Variants in RBFOX1 observed in about 807,000 individuals in gnomAD.
RBFOX1 encodes the protein RNA binding fox-1 homolog 1, also known as RNA binding protein fox-1 homolog 1.
Under a neutral mutation model 57.7 loss-of-function variants are expected in RBFOX1, and 8 were observed. That is an observed-to-expected ratio of 0.14 (90% CI 0.08 to 0.25). The LOEUF (loss-of-function observed/expected upper bound fraction) is 0.25. Ranked by LOEUF, RBFOX1 falls within the 10% of genes least tolerant of loss-of-function variation. The pLI, the probability that RBFOX1 is intolerant of heterozygous loss-of-function variation, is 1.00. For missense variants in RBFOX1, 611 were observed against 548.5 expected (o/e 1.11, Z -1.14); for synonymous variants, 326 against 222.4 (o/e 1.47, Z -4.15).
chr16:6,663,315 A>G (rs1289703246), intron 3 of RBFOX1, among the ~76,000 whole-genome samples: 2 of 152,158 alleles, frequency 1.3e-5, no homozygotes, highest in Non-Finnish European at 2.9e-5. Flanking sequence ...CGTGAGGAAG[A>G]AGAAAGGAGT....
chr16:5,462,860 T>C lies in RBFOX1; in HGVS notation c.220-4356T>C, dbSNP rs181300065. ...AGGCCAGGGGCACTGCTAAAGGTCCTACAGGCATGGGACGAGCCCCACGAC... is the reference window on the plus strand; with the variant it reads ...AGGCCAGGGGCACTGCTAAAGGTCCCACAGGCATGGGACGAGCCCCACGAC... On this transcript the variant is annotated intron_variant, in intron 1 of 2. Coordinates refer to the RBFOX1 transcript ENST00000585867. Among the ~76,000 whole-genome samples the C allele has an allele frequency of 1.4e-3, 212 of 152,278 alleles. 2 individuals are homozygous for C. Among genetic ancestry groups the C allele is most frequent in the African/African-American group, 4.9e-3 (204 of 41,558 alleles).
intron 3 of RBFOX1, among the ~76,000 whole-genome samples, chr16:6,920,612 G>C (rs963479577): frequency 2.6e-5 from 4 of 152,154 alleles, no homozygotes; most frequent in African/African-American, 9.7e-5. Context: ...ATCAAGATGT[G>C]GAGATATTAG....
At chr16:6,597,085 G>C (rs1213118733) in intron 2 of RBFOX1, among the ~76,000 whole-genome samples, 1 of 152,120 alleles carries the variant, frequency 6.6e-6, no homozygotes, top group Admixed American at 6.5e-5. Flanking sequence ...ACTGCAGCTA[G>C]AATTGCTGTG....
At chr16:7,281,148 G>A (rs2095535867) in intron 4 of RBFOX1, among the ~76,000 whole-genome samples, 1 of 151,812 alleles carries the variant, frequency 6.6e-6, no homozygotes, top group African/African-American at 2.4e-5. Context: ...GATTACAGGT[G>A]TGTGCCACCA....
At chr16:7,669,742 G>T (rs966616190) in intron 13 of RBFOX1, among the ~76,000 whole-genome samples, 9 of 152,200 alleles carry the variant, frequency 5.9e-5, no homozygotes, top group African/African-American at 2.2e-4. Context: ...GGAATGAGAT[G>T]TGTCAGTAGC....
At chr16:6,731,159 G>C (rs1040340301) in intron 3 of RBFOX1, among the ~76,000 whole-genome samples, 36 of 152,270 alleles carry the variant, frequency 2.4e-4, no homozygotes, top group Non-Finnish European at 1.0e-4. Context: ...GCTGAGGACA[G>C]CTAGAATTAT....
chr16:5,254,845 C>G (rs899498120), intron 1 of RBFOX1, among the ~76,000 whole-genome samples: 4 of 152,164 alleles, frequency 2.6e-5, no homozygotes, highest in African/African-American at 9.7e-5. Context: ...CTGGAAATGT[C>G]TTTGAGCTGA....
intron 2 of RBFOX1, among the ~76,000 whole-genome samples, chr16:6,651,159 C>G (rs1283891503): frequency 6.6e-6 from 1 of 152,180 alleles, no homozygotes; most frequent in Non-Finnish European, 1.5e-5. Flanking sequence ...GCCTCAGTCT[C>G]CCAGAGTGCT....
chr16:5,748,737 A>T (rs536988431), intron 3 of RBFOX1, among the ~76,000 whole-genome samples: 2 of 152,180 alleles, frequency 1.3e-5, no homozygotes, highest in South Asian at 4.1e-4. Flanking sequence ...ATCTTCCTCC[A>T]TCCCTTTATT....
intron 4 of RBFOX1, among the ~76,000 whole-genome samples, chr16:6,002,601 G>A (rs552192223): frequency 1.8e-4 from 27 of 152,282 alleles, no homozygotes; most frequent in Admixed American, 1.4e-3. Flanking sequence ...ATTGAGAGAA[G>A]AGAATCACTA....
At chr16:5,650,172 G>A (rs939787677) in intron 3 of RBFOX1, among the ~76,000 whole-genome samples, 4 of 152,230 alleles carry the variant, frequency 2.6e-5, no homozygotes, top group African/African-American at 9.6e-5. Flanking sequence ...AACTCCTGGT[G>A]AAATAGTCGT....
intron 2 of RBFOX1, among the ~76,000 whole-genome samples, chr16:6,618,134 C>G (rs114466980): frequency 6.6e-6 from 1 of 151,982 alleles, no homozygotes; most frequent in African/African-American, 2.4e-5. Context: ...GTCAGTGCTC[C>G]CAGTGTTACA....
chr16:6,454,523 A>C (rs377190457), intron 2 of RBFOX1, among the ~76,000 whole-genome samples: 2 of 152,178 alleles, frequency 1.3e-5, no homozygotes, highest in African/African-American at 4.8e-5. Flanking sequence ...GCTCCACTGC[A>C]CTGTAATTTA....
chr16:6,363,336 A>G (rs2088958906), intron 2 of RBFOX1, among the ~76,000 whole-genome samples: 1 of 152,204 alleles, frequency 6.6e-6, no homozygotes, highest in Non-Finnish European at 1.5e-5. Context: ...GCCGAGGGAA[A>G]AATAAATTCA....
chr16:6,248,003 G>C (rs778127809), intron 1 of RBFOX1, among the ~76,000 whole-genome samples: 1 of 152,116 alleles, frequency 6.6e-6, no homozygotes, highest in Non-Finnish European at 1.5e-5. Flanking sequence ...ACTGTCAGTT[G>C]ACAGTGAGCT....
intron 5 of RBFOX1, among the ~76,000 whole-genome samples, chr16:7,542,504 A>C (rs536751920): frequency 6.9e-4 from 105 of 152,064 alleles, no homozygotes; most frequent in African/African-American, 2.4e-3. Context: ...GATAGAAAGA[A>C]AGAGAAGACA....
At chr16:7,066,032 T>A (rs542144472) in intron 4 of RBFOX1, among the ~76,000 whole-genome samples, 9 of 152,320 alleles carry the variant, frequency 5.9e-5, no homozygotes, top group African/African-American at 1.2e-4. Flanking sequence ...ATGGTTTAAT[T>A]CACTCCAAGG....
chr16:5,564,050 G>A (rs1267432375), intron 2 of RBFOX1, among the ~76,000 whole-genome samples: 1 of 152,064 alleles, frequency 6.6e-6, no homozygotes, highest in Non-Finnish European at 1.5e-5. Context: ...GTCTTGCTCT[G>A]TCACCCAGGC....
At chr16:5,738,711 T>G (rs2052670353) in intron 3 of RBFOX1, among the ~76,000 whole-genome samples, 1 of 150,818 alleles carries the variant, frequency 6.6e-6, no homozygotes, top group African/African-American at 2.4e-5. Context: ...TGACTGCAGG[T>G]TTTCCACTGG....
Sources: allele counts gnomAD v4.1 joint callset (sites outside exome capture counted in the v4.1 genomes callset), GRCh38; gene constraint gnomAD v4.1.1; transcripts MANE v1.5; gene names NCBI Gene and HGNC (gene_info 2026-07-23, HGNC 2026-07-21).